EBF1: variants seen among roughly 807,000 people sequenced by gnomAD.
EBF1 encodes transcription factor COE1.
In EBF1, 10 loss-of-function variants were observed where a neutral mutation model predicts 68.4. The observed-to-expected ratio is 0.15, with a 90% confidence interval of 0.09 to 0.25. The LOEUF (loss-of-function observed/expected upper bound fraction) is 0.25. Ranked by LOEUF, EBF1 falls within the 10% of genes least tolerant of loss-of-function variation. The probability of loss-of-function intolerance (pLI) is 1.00; values close to 1 mark genes in which losing one functional copy is unlikely to be tolerated. For synonymous variants in EBF1, 298 were observed against 299.8 expected, an observed-to-expected ratio of 0.99 and a Z score of 0.06; for missense variants, 509 against 794.4, an observed-to-expected ratio of 0.64 and a Z score of 4.32.
chr5:159,099,303 G>T, intron 1 of EBF1, 42 bp downstream of exon 1: 3 of 1,433,248 alleles, frequency 2.1e-6, no homozygotes, highest in Non-Finnish European at 2.8e-6. Flanking sequence ...CGGCTCTCCC[G>T]CTCGCGGCTC....
chr5:159,029,250 G>C (rs1768297080), intron 6 of EBF1, among the ~76,000 whole-genome samples: 1 of 152,148 alleles, frequency 6.6e-6, no homozygotes. Context: ...TTTAATGATA[G>C]ATACACGATG....
rs552581513 is a variant in EBF1, at chr5:159,092,212, T to C, written c.411+3408A>G. ...GCAGCAGCCATAAACTTCTGGGTCC[T>C]ACAGGGCATTCTGCATGCTCACTAA... is the stretch of plus-strand genomic sequence containing the variant. On this transcript the variant is annotated intron_variant, in intron 4 of 15. Transcript: ENST00000313708. 1.2e-4 allele frequency among the ~76,000 whole-genome samples: 19 copies of C among 152,336 alleles called. No homozygotes were observed. The South Asian group carries it at 3.5e-3, about 28-fold the overall frequency.
Position 158,823,264 on chromosome 5 carries a change from A to G in EBF1, c.690T>C (p.Asp230=), listed in dbSNP as rs759764066. 2 of 1,613,848 alleles carry G rather than the reference A, an allele frequency of 1.2e-6. No individual in the cohort carries two copies. The highest frequency in any genetic ancestry group is 1.7e-6 in the Non-Finnish European group (2 of 1,179,912). Reference sequence around the variant, plus strand: ...TGGAATTATTATGGACAAACATGTTATCAGAGACTGCCAGGACATGGCCAT... The same window carrying G: ...TGGAATTATTATGGACAAACATGTTGTCAGAGACTGCCAGGACATGGCCAT... ...NVDGHVLAVS[D]NMFVHNNSKH... is the part of the protein sequence containing the mutation. The change falls in exon 8 of 16, where the codon GAT becomes GAC. Residue 230 remains aspartate, a synonymous_variant. Transcript: ENST00000313708.
chr5:158,986,660 G>T (rs909431959), intron 6 of EBF1, among the ~76,000 whole-genome samples: 1 of 152,314 alleles, frequency 6.6e-6, no homozygotes, highest in African/African-American at 2.4e-5. Context: ...ACCAAATTAA[G>T]TTAGGAAGCT....
chr5:158,793,484 A>G (rs31863), intron 9 of EBF1, among the ~76,000 whole-genome samples: 55,407 of 151,756 alleles, frequency 0.37, 10,536 homozygotes, highest in African/African-American at 0.46. Flanking sequence ...ATGAAACCTC[A>G]TTTTTTTTCT....
intron 6 of EBF1, among the ~76,000 whole-genome samples, chr5:158,978,933 A>G (rs981430387): frequency 6.6e-6 from 1 of 151,830 alleles, no homozygotes; most frequent in African/African-American, 2.4e-5. Context: ...CATTCGGTGT[A>G]GAAGAAAAAT....
intron 10 of EBF1, among the ~76,000 whole-genome samples, chr5:158,750,606 G>T (rs937253920): frequency 6.6e-6 from 1 of 151,806 alleles, no homozygotes; most frequent in East Asian, 1.9e-4. Context: ...CTCACTTTAC[G>T]GCTAGATATA....
intron 6 of EBF1, among the ~76,000 whole-genome samples, chr5:158,869,843 T>C (rs996555921): frequency 5.9e-5 from 9 of 152,184 alleles, no homozygotes; most frequent in African/African-American, 2.2e-4. Flanking sequence ...GATACCTATT[T>C]TGTTTGCCTT....
intron 6 of EBF1, among the ~76,000 whole-genome samples, chr5:158,877,958 A>G (rs549657911): frequency 7.2e-5 from 11 of 152,070 alleles, no homozygotes; most frequent in East Asian, 3.9e-4. Context: ...CTGAGTCACA[A>G]TGGAAAATAA....
intron 8 of EBF1, among the ~76,000 whole-genome samples, chr5:158,810,371 C>T (rs768628516): frequency 6.6e-6 from 1 of 152,196 alleles, no homozygotes; most frequent in Non-Finnish European, 1.5e-5. Context: ...TTAAAGATCT[C>T]AATTTGTACC....
At chr5:158,831,111 C>T (rs1787457665) in intron 7 of EBF1, among the ~76,000 whole-genome samples, 2 of 152,148 alleles carry the variant, frequency 1.3e-5, no homozygotes, top group Non-Finnish European at 2.9e-5. Flanking sequence ...ATACTTTTGA[C>T]TACTCTTGAG....
intron 6 of EBF1, among the ~76,000 whole-genome samples, chr5:159,057,842 G>A (rs140844323): frequency 2.2e-4 from 34 of 152,206 alleles, no homozygotes; most frequent in Admixed American, 1.8e-3. Flanking sequence ...ATGTATTAGC[G>A]TTCTTAAGCT....
At chr5:158,997,124 CAT>C (rs1761574345) in intron 6 of EBF1, among the ~76,000 whole-genome samples, 1 of 152,198 alleles carries the variant, frequency 6.6e-6, no homozygotes, top group South Asian at 2.1e-4. Flanking sequence ...AGGGTGCACA[CAT>C]GAGTACACCC....
chr5:159,017,372 A>G (rs957590611), intron 6 of EBF1, among the ~76,000 whole-genome samples: 5 of 152,366 alleles, frequency 3.3e-5, no homozygotes, highest in Middle Eastern at 3.4e-3. Flanking sequence ...TCAAAAAATC[A>G]TATCTGATAA....
At chr5:158,946,707 C>T (rs982259200) in intron 6 of EBF1, among the ~76,000 whole-genome samples, 1 of 152,194 alleles carries the variant, frequency 6.6e-6, no homozygotes, top group Non-Finnish European at 1.5e-5. Flanking sequence ...ATTAGAACTC[C>T]AATACTGTGC....
intron 6 of EBF1, among the ~76,000 whole-genome samples, chr5:158,995,625 G>A (rs1382769102): frequency 6.6e-6 from 1 of 152,202 alleles, no homozygotes; most frequent in African/African-American, 2.4e-5. Flanking sequence ...TCTGCCATTT[G>A]TTAAGCTCTG....
At chr5:159,007,407 G>C (rs574819149) in intron 6 of EBF1, among the ~76,000 whole-genome samples, 1 of 152,268 alleles carries the variant, frequency 6.6e-6, no homozygotes, top group Non-Finnish European at 1.5e-5. Context: ...AATGCTTTTG[G>C]ATGACTGTTT....
chr5:159,091,553 C>T (rs1306049392), intron 4 of EBF1, among the ~76,000 whole-genome samples: 1 of 152,164 alleles, frequency 6.6e-6, no homozygotes, highest in African/African-American at 2.4e-5. Context: ...AAACTCTCTG[C>T]TGGCCTAGTG....
chr5:158,882,548 G>A (rs935852015), intron 6 of EBF1, among the ~76,000 whole-genome samples: 1 of 152,158 alleles, frequency 6.6e-6, no homozygotes, highest in Non-Finnish European at 1.5e-5. Context: ...GAAATTAGGA[G>A]ACTTTCCTAA....
Sources: gnomAD v4.1 joint callset for allele counts (sites outside exome capture counted in the v4.1 genomes callset) on GRCh38, gnomAD v4.1.1 for gene constraint, MANE v1.5 for transcripts, NCBI Gene and HGNC (gene_info 2026-07-23, HGNC 2026-07-21) for gene names.